Variants in PDE4D observed in about 807,000 individuals in gnomAD.
The protein encoded by PDE4D is 3',5'-cyclic-AMP phosphodiesterase 4D.
A neutral mutation model predicts 87.4 loss-of-function variants in PDE4D; 24 were observed. The observed-to-expected ratio is 0.27, with a 90% confidence interval of 0.20 to 0.39. The LOEUF is 0.39. PDE4D is among the 10% of genes least tolerant of loss of function. PDE4D has a pLI of 1.00. For synonymous variants in PDE4D, 384 were observed against 383.2 expected (o/e 1.00, Z -0.02); for missense variants, 714 against 1,041.0 (o/e 0.69, Z 4.32).
chr5:59,309,202 G>C (rs1289928556), intron 1 of PDE4D, among the ~76,000 whole-genome samples: 1 of 152,158 alleles, frequency 6.6e-6, no homozygotes, highest in Non-Finnish European at 1.5e-5. Context: ...GAATGAAAGG[G>C]ATTGGTTCTA....
intron 5 of PDE4D, among the ~76,000 whole-genome samples, chr5:59,065,099 C>T (rs1260281353): frequency 0.014 from 2,106 of 149,060 alleles, 78 homozygotes; most frequent in African/African-American, 0.049. Context: ...CACACACACA[C>T]ACACACACAC....
In PDE4D at chr5:60,457,682, T is replaced by C. The variant is rs1746580627; in HGVS notation, c.-90+30260A>G. On this transcript the variant is annotated intron_variant, in intron 1 of 16. Transcript: ENST00000502484. ...CCCTTGAAGTCCTAGAATCCTAGAC[T>C]CAGAGTCAGAAAGCACACATTCTTA... Among the ~76,000 whole-genome samples, 3 of 152,206 alleles carry C rather than the reference T, an allele frequency of 2.0e-5. No homozygotes were observed. In the South Asian group the frequency reaches 6.2e-4, roughly 31 times the overall value.
intron 1 of PDE4D, among the ~76,000 whole-genome samples, chr5:59,371,986 A>G (rs1784010592): frequency 6.6e-6 from 1 of 152,240 alleles, no homozygotes; most frequent in Non-Finnish European, 1.5e-5. Context: ...TAGGAGTGAA[A>G]TAAATGTATG....
intron 11 of PDE4D, among the ~76,000 whole-genome samples, chr5:58,987,170 C>G (rs191378944): frequency 6.6e-6 from 1 of 151,990 alleles, no homozygotes; most frequent in East Asian, 1.9e-4. Context: ...CCCACTGATA[C>G]CTCCCCACTG....
chr5:60,299,568 C>A (rs1387395452), intron 1 of PDE4D, among the ~76,000 whole-genome samples: 1 of 152,114 alleles, frequency 6.6e-6, no homozygotes, highest in East Asian at 1.9e-4. Context: ...ACCCCACCCC[C>A]ACAGGCCCCA....
At chr5:60,390,689 C>T (rs1250068680) in intron 1 of PDE4D, among the ~76,000 whole-genome samples, 1 of 151,424 alleles carries the variant, frequency 6.6e-6, no homozygotes. Context: ...AGGAGAAAAT[C>T]TCCAAGGCTT....
rs1416588902 is a variant in PDE4D at position 60,359,023 on chromosome 5, G to A, written c.-90+128919C>T. 2.6e-5 allele frequency among the ~76,000 whole-genome samples: 4 copies of A among 152,324 alleles called. No individual in the cohort carries two copies. The East Asian group carries it at 7.7e-4, about 29-fold the overall frequency. ...CTTATTATGTGTGGGTGACAAGGGT[G>A]AAGATATAACCTCTGTCTTCAGGTG... On this transcript the variant is annotated intron_variant, in intron 1 of 16. Transcript: ENST00000502484.
intron 3 of PDE4D, among the ~76,000 whole-genome samples, chr5:59,923,508 C>CAGAG (rs34832272): frequency 2.0e-5 from 3 of 151,770 alleles, no homozygotes; most frequent in Non-Finnish European, 2.9e-5. Flanking sequence ...TAGCTCAAGA[C>CAGAG]AGAGAGAGAG....
chr5:59,500,900 C>T (rs1219199036), intron 1 of PDE4D, among the ~76,000 whole-genome samples: 3 of 151,998 alleles, frequency 2.0e-5, no homozygotes, highest in Non-Finnish European at 4.4e-5. Flanking sequence ...TCTCTCTTTC[C>T]ACATTTTCAC....
intron 1 of PDE4D, among the ~76,000 whole-genome samples, chr5:59,866,054 T>C (rs899981760): frequency 1.3e-5 from 2 of 152,248 alleles, no homozygotes; most frequent in African/African-American, 4.8e-5. Context: ...GTGGATTAAG[T>C]ATATGAGTAA....
rs572763678 is a variant in PDE4D, at chr5:59,678,593, G to T, written c.455+214575C>A. Among the ~76,000 whole-genome samples the T allele has an allele frequency of 3.4e-4, 52 of 152,268 alleles. 2 individuals are homozygous for T. The highest frequency in any genetic ancestry group is 2.8e-4 in the Non-Finnish European group (19 of 68,016). On this transcript the variant is annotated intron_variant, in intron 1 of 14. Coordinates refer to ENST00000340635, the MANE Select transcript of PDE4D (RefSeq NM_001104631.2). ...CACTTCTCCTGCCTCAGGCGCCTGAGTAGCTGGGATTATAGGCACCTGCCA... is the reference window on the plus strand; with the variant it reads ...CACTTCTCCTGCCTCAGGCGCCTGATTAGCTGGGATTATAGGCACCTGCCA...
intron 2 of PDE4D, among the ~76,000 whole-genome samples, chr5:60,108,795 C>G (rs944625457): frequency 3.6e-4 from 55 of 152,136 alleles, no homozygotes; most frequent in African/African-American, 1.1e-3. Context: ...GCTGGGAAAA[C>G]TGGCTAGCCC....
chr5:59,006,770 T>A (rs1338084383), intron 6 of PDE4D, among the ~76,000 whole-genome samples: 1 of 152,204 alleles, frequency 6.6e-6, no homozygotes, highest in African/African-American at 2.4e-5. Flanking sequence ...TTTGAAATTC[T>A]GCTGATGGAG....
chr5:59,482,283 TTAAG>T (rs1369469034), intron 1 of PDE4D, among the ~76,000 whole-genome samples: 2 of 152,182 alleles, frequency 1.3e-5, no homozygotes, highest in Non-Finnish European at 2.9e-5. Flanking sequence ...CTTCAATTAA[TTAAG>T]TGATGATGTG....
At chr5:60,493,242 G>T (rs919555300) in intron 1 of PDE4D, among the ~76,000 whole-genome samples, 2 of 152,012 alleles carry the variant, frequency 1.3e-5, no homozygotes, top group Non-Finnish European at 2.9e-5. Context: ...ATTCCTGCAT[G>T]AGGGAAAAAA....
chr5:60,315,984 C>G (rs1249139273), intron 1 of PDE4D, among the ~76,000 whole-genome samples: 1 of 152,026 alleles, frequency 6.6e-6, no homozygotes, highest in Non-Finnish European at 1.5e-5. Flanking sequence ...TTTTTTGGTT[C>G]CATATGAACT....
At chr5:59,503,983 T>C (rs560588050) in intron 1 of PDE4D, among the ~76,000 whole-genome samples, 1 of 152,340 alleles carries the variant, frequency 6.6e-6, no homozygotes, top group Non-Finnish European at 1.5e-5. Context: ...CAAAATGTCA[T>C]TTACTTTTAT....
At chr5:59,208,143 C>T (rs557433564) in intron 2 of PDE4D, among the ~76,000 whole-genome samples, 2 of 151,990 alleles carry the variant, frequency 1.3e-5, no homozygotes, top group Non-Finnish European at 2.9e-5. Flanking sequence ...CTCCAACCTG[C>T]GCAACAGAGT....
intron 1 of PDE4D, among the ~76,000 whole-genome samples, chr5:60,366,966 T>C (rs892533450): frequency 6.6e-6 from 1 of 152,186 alleles, no homozygotes; most frequent in Non-Finnish European, 1.5e-5. Flanking sequence ...TAAGTGAGTG[T>C]CACACCAGAC....
Sources: gnomAD v4.1 joint callset for allele counts (sites outside exome capture counted in the v4.1 genomes callset) on GRCh38, gnomAD v4.1.1 for gene constraint, MANE v1.5 for transcripts, NCBI Gene and HGNC (gene_info 2026-07-23, HGNC 2026-07-21) for gene names.